Variants in FOXP1 observed in about 807,000 individuals in gnomAD.
FOXP1 encodes forkhead box protein P1.
Under a neutral mutation model 98.2 loss-of-function variants are expected in FOXP1, and 15 were observed. That is an observed-to-expected ratio of 0.15 (90% CI 0.10 to 0.24). The LOEUF (loss-of-function observed/expected upper bound fraction) is 0.24. Among genes scored for constraint, FOXP1 ranks in the 10% least tolerant of loss-of-function variants. The probability of loss-of-function intolerance (pLI) is 1.00; values close to 1 mark genes in which losing one functional copy is unlikely to be tolerated. For missense variants in FOXP1, 633 were observed against 848.5 expected (o/e 0.75, Z 3.15); for synonymous variants, 371 against 314.5 (o/e 1.18, Z -1.90).
intron 5 of FOXP1, among the ~76,000 whole-genome samples, chr3:71,199,749 G>T (rs1008651634): frequency 6.8e-6 from 1 of 147,720 alleles, no homozygotes; most frequent in African/African-American, 2.5e-5. Flanking sequence ...CAAAACAAAA[G>T]AAAAAAAAAT....
intron 3 of FOXP1, among the ~76,000 whole-genome samples, chr3:71,475,583 C>T (rs1051543593): frequency 6.6e-6 from 1 of 152,148 alleles, no homozygotes; most frequent in Non-Finnish European, 1.5e-5. Context: ...TGACTCACGC[C>T]TGTAATCCCA....
intron 3 of FOXP1, among the ~76,000 whole-genome samples, chr3:71,374,544 G>A (rs937949544): frequency 2.0e-5 from 3 of 151,764 alleles, no homozygotes; most frequent in African/African-American, 7.3e-5. Flanking sequence ...AGTGAGCCAA[G>A]AGTGCGCCAC....
intron 5 of FOXP1, among the ~76,000 whole-genome samples, chr3:71,204,231 A>G (rs954598203): frequency 1.3e-5 from 2 of 152,216 alleles, no homozygotes; most frequent in African/African-American, 4.8e-5. Context: ...CAACCTGTCT[A>G]TATTATGATA....
At chr3:71,483,528 GA>G (rs2090439376) in intron 3 of FOXP1, among the ~76,000 whole-genome samples, 1 of 152,122 alleles carries the variant, frequency 6.6e-6, no homozygotes, top group East Asian at 1.9e-4. Context: ...AGGGCTGGGG[GA>G]AAATGAAAAT....
intron 2 of FOXP1, among the ~76,000 whole-genome samples, chr3:71,502,981 A>AG (rs2041513967): frequency 1.6e-3 from 1 of 628 alleles, no homozygotes; most frequent in South Asian, 0.25. Flanking sequence ...TTACAATTAG[A>AG]AAAAAAAAAA....
intron 5 of FOXP1, among the ~76,000 whole-genome samples, chr3:71,202,976 G>A (rs2063767563): frequency 6.6e-6 from 1 of 152,122 alleles, no homozygotes; most frequent in Admixed American, 6.5e-5. Flanking sequence ...CATAACCTCT[G>A]CTTCTCTCTG....
intron 20 of FOXP1, among the ~76,000 whole-genome samples, chr3:70,963,068 G>GA (rs1256493655): frequency 6.6e-6 from 1 of 152,132 alleles, no homozygotes; most frequent in Non-Finnish European, 1.5e-5. Context: ...CTGTAGAAGT[G>GA]AAAAAACAAA....
chr3:71,081,445 T>G (rs2054404788), intron 7 of FOXP1, among the ~76,000 whole-genome samples: 1 of 152,070 alleles, frequency 6.6e-6, no homozygotes, highest in South Asian at 2.1e-4. Context: ...GAGGGAAACA[T>G]GAAGAGCCAA....
intron 4 of FOXP1, among the ~76,000 whole-genome samples, chr3:71,324,818 A>T (rs968001285): frequency 1.3e-5 from 2 of 152,008 alleles, no homozygotes; most frequent in Non-Finnish European, 2.9e-5. Flanking sequence ...AAAACAAATT[A>T]AAAAAAATAA....
chr3:71,111,546 C>T (rs111903695), intron 7 of FOXP1, among the ~76,000 whole-genome samples: 5,552 of 152,058 alleles, frequency 0.037, 353 homozygotes, highest in African/African-American at 0.13. Flanking sequence ...TACAGGCACC[C>T]GCCACCAAGC....
chr3:71,219,618 A>C (rs2065204076), intron 5 of FOXP1, among the ~76,000 whole-genome samples: 1 of 152,236 alleles, frequency 6.6e-6, no homozygotes, highest in African/African-American at 2.4e-5. Flanking sequence ...TTAGTATGAA[A>C]GAAGAAAATG....
At chr3:70,988,119 T>C (rs1427560060) in intron 13 of FOXP1, 42 bp from the exon 14 acceptor site, 11 of 1,545,650 alleles carry the variant, frequency 7.1e-6, no homozygotes, top group South Asian at 1.1e-5. Context: ...TGAATAAAGA[T>C]GCATGGCTCT....
At chr3:70,971,722 G>C (rs947841698) in intron 18 of FOXP1, 1 of 284,644 alleles carries the variant, frequency 3.5e-6, no homozygotes, top group Admixed American at 5.2e-5. Flanking sequence ...GGTGGGGAGA[G>C]AGGGGGGATT....
chr3:71,133,919 G>GT (rs1434908931), intron 6 of FOXP1, among the ~76,000 whole-genome samples: 1 of 152,000 alleles, frequency 6.6e-6, no homozygotes, highest in African/African-American at 2.4e-5. Context: ...GTATTTCCTA[G>GT]TAAGTGCATT....
In FOXP1 at chr3:71,198,292, G is replaced by T; in HGVS notation, c.90C>A (p.Gly30=). The change falls in exon 6 of 21, where the codon GGC becomes GGA. Residue 30 remains glycine, a synonymous_variant. Transcript: ENST00000649528. ...CGTTGGACCGCCCCTCCCGAAGACC[G>T]CCGCACTCTAGTAAGTGGTTGCTGC... ...SGGSNHLLEC[G]GLREGRSNGE... is the part of the protein sequence containing the mutation. 1 of 1,614,082 alleles carries T rather than the reference G, an allele frequency of 6.2e-7. No homozygotes were observed. Among genetic ancestry groups the T allele is most frequent in the Non-Finnish European group, 8.5e-7 (1 of 1,180,034 alleles).
At chr3:71,229,722 CT>C (rs1173517432) in intron 5 of FOXP1, among the ~76,000 whole-genome samples, 1 of 151,968 alleles carries the variant, frequency 6.6e-6, no homozygotes, top group African/African-American at 2.4e-5. Context: ...AAGAATGGAG[CT>C]TTGAAATTTA....
intron 16 of FOXP1, 51 bp from the exon 17 acceptor site, chr3:70,977,093 C>A (rs762568810): frequency 4.2e-6 from 5 of 1,181,808 alleles, no homozygotes; most frequent in South Asian, 1.2e-5. Context: ...TCAGCAGAGT[C>A]GTCATTCCAC....
intron 14 of FOXP1, among the ~76,000 whole-genome samples, chr3:70,979,986 C>T (rs17008100): frequency 6.8e-4 from 104 of 152,140 alleles, no homozygotes; most frequent in African/African-American, 2.4e-3. Flanking sequence ...AATGTTGTCT[C>T]GGTGAGCAAG....
At chr3:71,089,948 T>G (rs1289981470) in intron 7 of FOXP1, among the ~76,000 whole-genome samples, 1 of 152,182 alleles carries the variant, frequency 6.6e-6, no homozygotes, top group East Asian at 1.9e-4. Flanking sequence ...AGATAACTGG[T>G]GCTATGTATA....
Sources: gnomAD v4.1 joint callset for allele counts (sites outside exome capture counted in the v4.1 genomes callset) on GRCh38, gnomAD v4.1.1 for gene constraint, MANE v1.5 for transcripts, NCBI Gene and HGNC (gene_info 2026-07-23, HGNC 2026-07-21) for gene names.